The following NLGN1 variants were observed in gnomAD, a reference collection of about 807,000 sequenced individuals.
NLGN1 encodes neuroligin-1.
In NLGN1, 12 loss-of-function variants were observed where a neutral mutation model predicts 65.5. The ratio of observed to expected loss-of-function variants is 0.18; its 90% CI spans 0.12 to 0.30. The LOEUF is 0.30. Ranked by LOEUF, NLGN1 falls within the 10% of genes least tolerant of loss-of-function variation. NLGN1 has a pLI of 1.00. For missense variants in NLGN1, 750 were observed against 1,007.1 expected, an observed-to-expected ratio of 0.74 and a Z score of 3.46; for synonymous variants, 350 against 359.5, an observed-to-expected ratio of 0.97 and a Z score of 0.30.
chr3:173,695,817 T>C (rs1045190499), intron 3 of NLGN1, among the ~76,000 whole-genome samples: 2 of 152,186 alleles, frequency 1.3e-5, no homozygotes, highest in African/African-American at 4.8e-5. Flanking sequence ...GGAATGTCTG[T>C]GAACATTAGA....
At chr3:173,424,640 C>G (rs1053512808) in intron 1 of NLGN1, among the ~76,000 whole-genome samples, 1 of 152,220 alleles carries the variant, frequency 6.6e-6, no homozygotes, top group Non-Finnish European at 1.5e-5. Context: ...TACCGCCAGT[C>G]TCTTTGCTAA....
chr3:173,963,472 C>G (rs80061999), intron 4 of NLGN1, among the ~76,000 whole-genome samples: 2,340 of 152,028 alleles, frequency 0.015, 63 homozygotes, highest in African/African-American at 0.051. Context: ...GTTCTATGTA[C>G]GGATCTGGAA....
intron 3 of NLGN1, among the ~76,000 whole-genome samples, chr3:173,644,998 C>T (rs1011593227): frequency 6.6e-5 from 10 of 152,264 alleles, no homozygotes; most frequent in African/African-American, 1.9e-4. Context: ...TGTGGGTAAG[C>T]GGTGATTGGA....
chr3:173,446,884 A>G (rs1212774058), intron 2 of NLGN1, among the ~76,000 whole-genome samples: 1 of 152,132 alleles, frequency 6.6e-6, no homozygotes, highest in Non-Finnish European at 1.5e-5. Flanking sequence ...GTCTGTTCAC[A>G]TCCTTTGCCC....
At chr3:173,760,378 T>C in intron 3 of NLGN1, among the ~76,000 whole-genome samples, 1 of 152,016 alleles carries the variant, frequency 6.6e-6, no homozygotes, top group Admixed American at 6.6e-5. Context: ...GTAAATATAC[T>C]AATAATTAAA....
chr3:173,476,736 A>C (rs986032146), intron 2 of NLGN1, among the ~76,000 whole-genome samples: 4 of 152,200 alleles, frequency 2.6e-5, no homozygotes, highest in South Asian at 4.1e-4. Flanking sequence ...CATGAAGGGT[A>C]AGTGGGTGGG....
At chr3:174,081,264 A>G (rs1742143445) in intron 4 of NLGN1, among the ~76,000 whole-genome samples, 1 of 152,316 alleles carries the variant, frequency 6.6e-6, no homozygotes, top group South Asian at 2.1e-4. Flanking sequence ...TACTTAAATT[A>G]TAGAAGCTTC....
intron 4 of NLGN1, among the ~76,000 whole-genome samples, chr3:174,149,572 T>C (rs895690272): frequency 1.3e-5 from 2 of 152,168 alleles, no homozygotes; most frequent in African/African-American, 4.8e-5. Flanking sequence ...ATAAACATCC[T>C]TGAATGTAAG....
intron 2 of NLGN1, among the ~76,000 whole-genome samples, chr3:173,487,726 C>T (rs1400321278): frequency 6.6e-6 from 1 of 151,912 alleles, no homozygotes; most frequent in Non-Finnish European, 1.5e-5. Context: ...TTTCTTTTTG[C>T]CATAAAGTGT....
Position 173,605,049 on chromosome 3 carries a change from G to T in NLGN1, c.451G>T (p.Glu151Ter), listed in dbSNP as rs762922847. The T allele has an allele frequency of 6.2e-7, 1 of 1,612,964 alleles. No homozygotes were observed. ...TTCATCATATGTGCAAGACCAGAGCGAAGACTGCCTATATTTAAATATATA... is the reference window on the plus strand; with the variant it reads ...TTCATCATATGTGCAAGACCAGAGCTAAGACTGCCTATATTTAAATATATA... Residue 151 changes from glutamate (E) to a stop codon, truncating the protein, a stop_gained, in exon 3 of 7, where the codon GAA (glutamate) becomes TAA (stop). Transcript: ENST00000457714. LOFTEE classifies it high-confidence loss of function.
intron 2 of NLGN1, among the ~76,000 whole-genome samples, chr3:173,600,225 A>ACG (rs1750243708): frequency 6.6e-6 from 1 of 151,614 alleles, no homozygotes; most frequent in Admixed American, 6.6e-5. Flanking sequence ...ACACACACAC[A>ACG]CGTGTATGTC....
At chr3:173,721,018 T>G (rs73880556) in intron 3 of NLGN1, among the ~76,000 whole-genome samples, 5,000 of 152,288 alleles carry the variant, frequency 0.033, 279 homozygotes, top group African/African-American at 0.11. Flanking sequence ...GGCAGAAAGA[T>G]CAGCACAAAT....
chr3:173,890,467 G>A (rs1333493714), intron 4 of NLGN1, among the ~76,000 whole-genome samples: 4 of 152,144 alleles, frequency 2.6e-5, no homozygotes, highest in South Asian at 4.2e-4. Flanking sequence ...CATTAGCATC[G>A]AGCACAAAAT....
chr3:174,173,208 G>C (rs1264503581), intron 4 of NLGN1, among the ~76,000 whole-genome samples: 3 of 151,898 alleles, frequency 2.0e-5, no homozygotes, highest in Admixed American at 1.3e-4. Context: ...CTAGTTTTTT[G>C]GTGGAGTCTT....
At chr3:174,188,333 A>G (rs1017853540) in intron 4 of NLGN1, among the ~76,000 whole-genome samples, 12 of 152,002 alleles carry the variant, frequency 7.9e-5, no homozygotes, top group African/African-American at 2.9e-4. Flanking sequence ...CAAATGAAAA[A>G]GTATAAAATA....
At chr3:173,659,207 GA>G (rs1296689293) in intron 3 of NLGN1, among the ~76,000 whole-genome samples, 1 of 151,948 alleles carries the variant, frequency 6.6e-6, no homozygotes, top group Non-Finnish European at 1.5e-5. Context: ...AAATGTAGAA[GA>G]ATTTTAGAGT....
chr3:173,459,301 A>G (rs1295809182), intron 2 of NLGN1, among the ~76,000 whole-genome samples: 1 of 152,088 alleles, frequency 6.6e-6, no homozygotes, highest in African/African-American at 2.4e-5. Context: ...CAACAATTCT[A>G]ATTTCCTGTT....
chr3:173,469,666 G>A (rs904002429), intron 2 of NLGN1, among the ~76,000 whole-genome samples: 8 of 151,276 alleles, frequency 5.3e-5, no homozygotes, highest in African/African-American at 1.5e-4. Flanking sequence ...CATTCACAAT[G>A]GTGTGTAACC....
At chr3:173,585,107 G>C (rs1560003911) in intron 2 of NLGN1, 1 of 152,352 alleles carries the variant, frequency 6.6e-6, no homozygotes, top group Non-Finnish European at 1.5e-5. Flanking sequence ...TGATGCGGAC[G>C]CGGTGCCTGT....
Sources: gnomAD v4.1 joint callset for allele counts (sites outside exome capture counted in the v4.1 genomes callset) on GRCh38, gnomAD v4.1.1 for gene constraint, MANE v1.5 for transcripts, NCBI Gene and HGNC (gene_info 2026-07-23, HGNC 2026-07-21) for gene names.